Variants in CAMK2N1 observed in about 807,000 individuals in gnomAD.
The protein encoded by CAMK2N1 is calcium/calmodulin dependent protein kinase II inhibitor 1.
Under a neutral mutation model 6.4 loss-of-function variants are expected in CAMK2N1, and 2 were observed. That is an observed-to-expected ratio of 0.31 (90% CI 0.13 to 0.98). The LOEUF (loss-of-function observed/expected upper bound fraction) is 0.98. Ranked by LOEUF, CAMK2N1 falls within the 50% of genes least tolerant of loss-of-function variation. CAMK2N1 has a pLI of 0.51. For synonymous variants in CAMK2N1, 42 were observed against 47.5 expected (o/e 0.88, Z 0.47); for missense variants, 77 against 107.3 (o/e 0.72, Z 1.25).
chr1:20,485,057 C>T lies in CAMK2N1; in HGVS notation c.166+157G>A, dbSNP rs949731404. On this transcript the variant is annotated intron_variant, in intron 1 of 1. Coordinates refer to ENST00000375078, the MANE Select transcript of CAMK2N1 (RefSeq NM_018584.6). This position sits in a 1 kb window ranked among gnomAD's most constrained non-coding sequence, Gnocchi z 8.4. ...CTTAGGGGGACGCGTTCCTGCGACC[C>T]GCTTCAGCCGGACCCGCAGTGCGGG... Among the ~76,000 whole-genome samples the T allele has an allele frequency of 2.6e-5, 4 of 152,222 alleles. No homozygotes were observed. The highest frequency in any genetic ancestry group is 5.9e-5 in the Non-Finnish European group (4 of 68,034).
In CAMK2N1 at chr1:20,485,282, T is replaced by A; in HGVS notation, c.98A>T (p.Asn33Ile). 2 of 1,599,382 alleles carry A rather than the reference T, an allele frequency of 1.3e-6. No homozygotes were observed. Among genetic ancestry groups the A allele is most frequent in the Non-Finnish European group, 1.7e-6 (2 of 1,175,586 alleles). ...QIFSCRLQDT[N>I]NFFGAGQNKR... ...GTTCTGCCCGGCGCCGAAGAAGTTG[T>A]TGGTGTCCTGCAGGCGGCAGGAGAA... The change falls in exon 1 of 2, where the codon AAC (asparagine) becomes ATC (isoleucine). Residue 33 changes from asparagine to isoleucine, a missense_variant. Asn to Ile is a moderately radical substitution (Grantham distance 149). Coordinates refer to ENST00000375078, the MANE Select transcript of CAMK2N1 (RefSeq NM_018584.6). This position sits in a 1 kb window ranked among gnomAD's most constrained non-coding sequence, Gnocchi z 8.4.
Position 20,485,335 on chromosome 1 carries a change from G to T in CAMK2N1, c.45C>A (p.Tyr15Ter). ...TCTGGCCCACGTCGCCGCCGTCGCC[G>T]TAGGGGCTCAGCTTCTCGTCGCCGT... is the stretch of plus-strand genomic sequence containing the variant. ...LPYGDEKLSPYGDGGDVGQIF... is the reference protein window; with the variant it reads ...LPYGDEKLSP The change falls in exon 1 of 2, where the codon TAC becomes TAA. Residue 15 changes from tyrosine (Y) to a stop codon, truncating the protein, a stop_gained. Coordinates refer to ENST00000375078, the MANE Select transcript of CAMK2N1 (RefSeq NM_018584.6). LOFTEE classifies it high-confidence loss of function. This position sits in a 1 kb window ranked among gnomAD's most constrained non-coding sequence, Gnocchi z 8.4. 1 of 1,570,958 alleles carries T rather than the reference G, an allele frequency of 6.4e-7. No homozygotes were observed. Among genetic ancestry groups the T allele is most frequent in the Non-Finnish European group, 8.6e-7 (1 of 1,161,298 alleles).
In CAMK2N1 at chr1:20,485,168, C is replaced by G; in HGVS notation, c.166+46G>C. ...ACCTCCGCAACCCTTGTTCAGGCCG[C>G]GGCGCGGGAAAAAGGGGGTGTCAGA... On this transcript the variant is annotated intron_variant, in intron 1 of 1. Transcript: ENST00000375078. This position sits in a 1 kb window ranked among gnomAD's most constrained non-coding sequence, Gnocchi z 8.4. 1 of 1,551,824 alleles carries G rather than the reference C, an allele frequency of 6.4e-7. No individual in the cohort carries two copies. Among genetic ancestry groups the G allele is most frequent in the Non-Finnish European group, 8.7e-7 (1 of 1,152,594 alleles).
chr1:20,485,443 G>A lies in CAMK2N1; in HGVS notation c.-64C>T. 8.7e-7 allele frequency: 1 copy of A among 1,146,028 alleles called. No homozygotes were observed. The highest frequency in any genetic ancestry group is 1.1e-6 in the Non-Finnish European group (1 of 930,060). 71.0% of individuals were successfully genotyped at this position (1,146,028 alleles called of 1,614,324 possible). ...CCGCGTCCCCGCCCGCGGCGGACAG[G>A]GTCAGCGGCGCTGGGGCCGGGGGCG... On this transcript the variant is annotated 5_prime_UTR_variant, in exon 1 of 2. Transcript: ENST00000375078. The surrounding 1 kb of genome is among the most constrained non-coding windows in gnomAD (Gnocchi z 8.4).
At position 20,483,059 on chromosome 1, in the gene CAMK2N1, G is replaced by C. The variant is rs1557508599; in HGVS notation, c.*590C>G. On this transcript the variant is annotated 3_prime_UTR_variant, in exon 2 of 2. Transcript: ENST00000375078. ...AAACACATTCCTGATAACTTCTAAA[G>C]ATGACCAAAATAAAACAGAATATCT... 1 of 152,432 alleles carries C rather than the reference G, an allele frequency of 6.6e-6. No homozygotes were observed. Among genetic ancestry groups the C allele is most frequent in the African/African-American group, 2.4e-5 (1 of 41,398 alleles). The allele number at this position is 152,432 out of a possible 1,614,324, so 9.4% of individuals were successfully genotyped here.
At position 20,485,159 on chromosome 1, in the gene CAMK2N1, T is replaced by C. The variant is rs2051500332; in HGVS notation, c.166+55A>G. Reference sequence around the variant, plus strand: ...GGGTGGGAGACCTCCGCAACCCTTGTTCAGGCCGCGGCGCGGGAAAAAGGG... The same window carrying C: ...GGGTGGGAGACCTCCGCAACCCTTGCTCAGGCCGCGGCGCGGGAAAAAGGG... On this transcript the variant is annotated intron_variant, in intron 1 of 1. Transcript: ENST00000375078. The surrounding 1 kb of genome is among the most constrained non-coding windows in gnomAD (Gnocchi z 8.4). The C allele has an allele frequency of 2.0e-6, 3 of 1,533,530 alleles. No individual in the cohort carries two copies. The highest frequency in any genetic ancestry group is 1.9e-4 in the Middle Eastern group (1 of 5,280). The allele number at this position is 1,533,530 out of a possible 1,614,324, so 95.0% of individuals were successfully genotyped here. A position where few individuals can be genotyped will look rare whatever the true frequency, so the allele number is the denominator to read the frequency against.
Position 20,485,161 on chromosome 1 carries a change from C to A in CAMK2N1, c.166+53G>T. 1 of 1,536,978 alleles carries A rather than the reference C, an allele frequency of 6.5e-7. No individual in the cohort carries two copies. Among genetic ancestry groups the A allele is most frequent in the African/African-American group, 1.4e-5 (1 of 72,364 alleles). ...GTGGGAGACCTCCGCAACCCTTGTT[C>A]AGGCCGCGGCGCGGGAAAAAGGGGG... On this transcript the variant is annotated intron_variant, in intron 1 of 1. Transcript: ENST00000375078. The surrounding 1 kb of genome is among the most constrained non-coding windows in gnomAD (Gnocchi z 8.4).
chr1:20,485,508 G>T lies in CAMK2N1; in HGVS notation c.-129C>A. The stretch of plus-strand genomic sequence containing the variant: ...GCCCGCGGGCTGCTGCGGCGGTGGC[G>T]CCGGCGAGAGGCCGGGGGACGCCGC... On this transcript the variant is annotated 5_prime_UTR_variant, in exon 1 of 2. Transcript: ENST00000375078. This position sits in a 1 kb window ranked among gnomAD's most constrained non-coding sequence, Gnocchi z 8.4. 1 of 580,994 alleles carries T rather than the reference G, an allele frequency of 1.7e-6. No individual in the cohort carries two copies. The highest frequency in any genetic ancestry group is 2.2e-6 in the Non-Finnish European group (1 of 462,426). The allele number at this position is 580,994 out of a possible 1,614,324, so 36.0% of individuals were successfully genotyped here.
At position 20,484,989 on chromosome 1, in the gene CAMK2N1, T is replaced by C. The variant is rs955967281; in HGVS notation, c.166+225A>G. Among the ~76,000 whole-genome samples, 6 of 152,124 alleles carry C rather than the reference T, an allele frequency of 3.9e-5. No homozygotes were observed. The highest frequency in any genetic ancestry group is 3.9e-4 in the Admixed American group (6 of 15,282). On this transcript the variant is annotated intron_variant, in intron 1 of 1. Transcript: ENST00000375078. This position sits in a 1 kb window ranked among gnomAD's most constrained non-coding sequence, Gnocchi z 6.8. ...GCGGGTGGAGACCCCCAGCTGCTGC[T>C]AGAAGCCGCCACGCCCCCAGGGTGA...
At position 20,485,532 on chromosome 1, in the gene CAMK2N1, G is replaced by T. The variant is rs2051504261; in HGVS notation, c.-153C>A. ...CGCCGGCGAGAGGCCGGGGGACGCC[G>T]CTAGGGCAAGAGCGCGGCACTCGCG... On this transcript the variant is annotated 5_prime_UTR_variant, in exon 1 of 2. Coordinates refer to ENST00000375078, the MANE Select transcript of CAMK2N1 (RefSeq NM_018584.6). This position sits in a 1 kb window ranked among gnomAD's most constrained non-coding sequence, Gnocchi z 8.4. 5 of 370,474 alleles carry T rather than the reference G, an allele frequency of 1.3e-5. No individual in the cohort carries two copies. Among genetic ancestry groups the T allele is most frequent in the Non-Finnish European group, 1.5e-5 (4 of 270,330 alleles). The allele number at this position is 370,474 out of a possible 1,614,324, so 22.9% of individuals were successfully genotyped here. A position where few individuals can be genotyped will look rare whatever the true frequency, so the allele number is the denominator to read the frequency against.
chr1:20,483,468 T>A lies in CAMK2N1; in HGVS notation c.*181A>T. ...TGCAGAGGAGCCCAGAGCCTTCTCC[T>A]CCTCCTCCTCCTCCTCTCGCCTCAT... On this transcript the variant is annotated 3_prime_UTR_variant, in exon 2 of 2. Transcript: ENST00000375078. The A allele has an allele frequency of 2.1e-6, 1 of 478,880 alleles. No individual in the cohort carries two copies. Among genetic ancestry groups the A allele is most frequent in the Non-Finnish European group, 3.7e-6 (1 of 267,050 alleles). 29.7% of individuals were successfully genotyped at this position (478,880 alleles called of 1,614,324 possible).
chr1:20,485,133 C>A lies in CAMK2N1; in HGVS notation c.166+81G>T, dbSNP rs941139418. The stretch of plus-strand genomic sequence containing the variant: ...TCCGTCAGGTCTGAACGGGCTCCAG[C>A]GGGTGGGAGACCTCCGCAACCCTTG... On this transcript the variant is annotated intron_variant, in intron 1 of 1. Coordinates refer to ENST00000375078, the MANE Select transcript of CAMK2N1 (RefSeq NM_018584.6). The surrounding 1 kb of genome is among the most constrained non-coding windows in gnomAD (Gnocchi z 8.4). 4 of 1,424,918 alleles carry A rather than the reference C, an allele frequency of 2.8e-6. No homozygotes were observed. In the African/African-American group the frequency reaches 5.8e-5, roughly 21 times the overall value. 88.3% of individuals were successfully genotyped at this position (1,424,918 alleles called of 1,614,324 possible).
In CAMK2N1 at chr1:20,485,394, G is replaced by A. The variant is rs1220463353; in HGVS notation, c.-15C>T. On this transcript the variant is annotated 5_prime_UTR_variant, in exon 1 of 2. Coordinates refer to ENST00000375078, the MANE Select transcript of CAMK2N1 (RefSeq NM_018584.6). The surrounding 1 kb of genome is among the most constrained non-coding windows in gnomAD (Gnocchi z 8.4). Reference sequence around the variant, plus strand: ...ACCTCCGACATGGTCGCGTCCGGGGGCTCCGCCGCGGCGCCTCCTCCGCCC... The same window carrying A: ...ACCTCCGACATGGTCGCGTCCGGGGACTCCGCCGCGGCGCCTCCTCCGCCC... 2 of 1,305,784 alleles carry A rather than the reference G, an allele frequency of 1.5e-6. No homozygotes were observed. The highest frequency in any genetic ancestry group is 2.0e-6 in the Non-Finnish European group (2 of 1,023,166). The allele number at this position is 1,305,784 out of a possible 1,614,324, so 80.9% of individuals were successfully genotyped here.
chr1:20,485,763 C>G lies in CAMK2N1; in HGVS notation c.-384G>C, dbSNP rs2051507725. 6.6e-6 allele frequency: 1 copy of G among 151,272 alleles called. No individual in the cohort carries two copies. The highest frequency in any genetic ancestry group is 1.5e-5 in the Non-Finnish European group (1 of 67,474). 9.4% of individuals were successfully genotyped at this position (151,272 alleles called of 1,614,324 possible). On this transcript the variant is annotated 5_prime_UTR_variant, in exon 1 of 2. Coordinates refer to ENST00000375078, the MANE Select transcript of CAMK2N1 (RefSeq NM_018584.6). The surrounding 1 kb of genome is among the most constrained non-coding windows in gnomAD (Gnocchi z 8.4). Reference sequence around the variant, plus strand: ...GGGCGCGGGACCGAGGAGGGCGCACCCCGGGAGCCGGGCGGGCCGGTCCTG... The same window carrying G: ...GGGCGCGGGACCGAGGAGGGCGCACGCCGGGAGCCGGGCGGGCCGGTCCTG...
chr1:20,483,550 T>C lies in CAMK2N1; in HGVS notation c.*99A>G, dbSNP rs550642805. ...GTTGATTTCATCGTGGGTAGCAAGC[T>C]AGTAATAAATTTCAAAGTGCTTTCT... is the stretch of plus-strand genomic sequence containing the variant. On this transcript the variant is annotated 3_prime_UTR_variant, in exon 2 of 2. Coordinates refer to ENST00000375078, the MANE Select transcript of CAMK2N1 (RefSeq NM_018584.6). 1 of 1,034,560 alleles carries C rather than the reference T, an allele frequency of 9.7e-7. No homozygotes were observed. Among genetic ancestry groups the C allele is most frequent in the East Asian group, 2.4e-5 (1 of 42,002 alleles). The allele number at this position is 1,034,560 out of a possible 1,614,324, so 64.1% of individuals were successfully genotyped here.
In CAMK2N1 at chr1:20,484,306, AG is replaced by A. The variant is rs2051493058; in HGVS notation, c.167-588del. The A allele has an allele frequency of 6.5e-6, 1 of 152,840 alleles. No homozygotes were observed. The highest frequency in any genetic ancestry group is 2.1e-4 in the South Asian group (1 of 4,866). The allele number at this position is 152,840 out of a possible 1,614,324, so 9.5% of individuals were successfully genotyped here. ...CGCCCCGCGCTCCCCGCTGCCGCAG[AG>A]GTCAGAGCCTCCCTTCGCTGCCTGC... On this transcript the variant is annotated intron_variant, in intron 1 of 1. Transcript: ENST00000375078. The surrounding 1 kb of genome is among the most constrained non-coding windows in gnomAD (Gnocchi z 6.8).
chr1:20,485,166 C>A lies in CAMK2N1; in HGVS notation c.166+48G>T, dbSNP rs899364692. 12 of 1,547,836 alleles carry A rather than the reference C, an allele frequency of 7.8e-6. No individual in the cohort carries two copies. The highest frequency in any genetic ancestry group is 9.6e-6 in the Non-Finnish European group (11 of 1,150,454). On this transcript the variant is annotated intron_variant, in intron 1 of 1. Coordinates refer to ENST00000375078, the MANE Select transcript of CAMK2N1 (RefSeq NM_018584.6). This position sits in a 1 kb window ranked among gnomAD's most constrained non-coding sequence, Gnocchi z 8.4. ...AGACCTCCGCAACCCTTGTTCAGGCCGCGGCGCGGGAAAAAGGGGGTGTCA... is the reference window on the plus strand; with the variant it reads ...AGACCTCCGCAACCCTTGTTCAGGCAGCGGCGCGGGAAAAAGGGGGTGTCA...
At position 20,483,463 on chromosome 1, in the gene CAMK2N1, T is replaced by TCTCCTCCTC. The variant is rs547186569; in HGVS notation, c.*177_*185dup. 2 of 470,604 alleles carry TCTCCTCCTC rather than the reference T, an allele frequency of 4.2e-6. No individual in the cohort carries two copies. The highest frequency in any genetic ancestry group is 3.3e-5 in the East Asian group (1 of 29,882). 29.2% of individuals were successfully genotyped at this position (470,604 alleles called of 1,614,324 possible). A position where few individuals can be genotyped will look rare whatever the true frequency, so the allele number is the denominator to read the frequency against. On this transcript the variant is annotated 3_prime_UTR_variant, in exon 2 of 2. Transcript: ENST00000375078. ...ATTTTTGCAGAGGAGCCCAGAGCCT[T>TCTCCTCCTC]CTCCTCCTCCTCCTCCTCCTCTCGC...
rs1024165676 is a variant in CAMK2N1 at position 20,485,606 on chromosome 1, C to A, written c.-227G>T. The A allele has an allele frequency of 2.6e-4, 39 of 152,034 alleles. No individual in the cohort carries two copies. The highest frequency in any genetic ancestry group is 4.7e-4 in the Non-Finnish European group (33 of 69,582). 9.4% of individuals were successfully genotyped at this position (152,034 alleles called of 1,614,324 possible). ...GGCTGCGCTGCGCTGCGCTCCGGCT[C>A]CGCGCGCGAGTGGCTGCTGCTCCGC... On this transcript the variant is annotated 5_prime_UTR_variant, in exon 1 of 2. Coordinates refer to ENST00000375078, the MANE Select transcript of CAMK2N1 (RefSeq NM_018584.6). The surrounding 1 kb of genome is among the most constrained non-coding windows in gnomAD (Gnocchi z 8.4).
Sources: allele counts gnomAD v4.1 joint callset (sites outside exome capture counted in the v4.1 genomes callset), GRCh38; gene constraint gnomAD v4.1.1; non-coding constraint Gnocchi (gnomAD v3.1); transcripts MANE v1.5; gene names NCBI Gene and HGNC (gene_info 2026-07-23, HGNC 2026-07-21).